HOMER2: variants seen among roughly 807,000 people sequenced by gnomAD.
HOMER2 encodes the protein homer protein homolog 2.
Under a neutral mutation model 47.0 loss-of-function variants are expected in HOMER2, and 27 were observed. The ratio of observed to expected loss-of-function variants is 0.57; its 90% confidence interval spans 0.42 to 0.79. The LOEUF is 0.79. Ranked by LOEUF, HOMER2 falls within the 30% of genes least tolerant of loss-of-function variation. HOMER2 has a pLI of 0.00. For synonymous variants in HOMER2, 161 were observed against 163.8 expected (o/e 0.98, Z 0.13); for missense variants, 443 against 435.0 (o/e 1.02, Z -0.16).
exon 2 of HOMER2, chr15:82,842,003 A>C (rs2051180748): frequency 6.6e-6 from 1 of 152,188 alleles, no homozygotes; most frequent in Non-Finnish European, 1.5e-5. Context: ...GGGGACTTTA[A>C]TTTTCTACAT....
intron 1 of HOMER2, among the ~76,000 whole-genome samples, chr15:82,910,371 G>T (rs59286119): frequency 6.6e-6 from 1 of 152,086 alleles, no homozygotes; most frequent in Non-Finnish European, 1.5e-5. Context: ...GAGTCCAGTG[G>T]GGTGAGTCGG....
At chr15:82,985,735 G>A (rs916994798) in intron 1 of HOMER2, 6 of 152,222 alleles carry the variant, frequency 3.9e-5, no homozygotes, top group Admixed American at 6.5e-5. Flanking sequence ...AGCAGAGAGG[G>A]GGTATGTTTC....
At chr15:82,917,925 C>G (rs566130643) in intron 1 of HOMER2, among the ~76,000 whole-genome samples, 3 of 152,204 alleles carry the variant, frequency 2.0e-5, no homozygotes, top group African/African-American at 4.8e-5. Context: ...GGTGTGGGGG[C>G]CCCAAATCCT....
intron 5 of HOMER2, among the ~76,000 whole-genome samples, chr15:82,855,282 C>G (rs893319452): frequency 7.2e-6 from 1 of 139,850 alleles, no homozygotes; most frequent in Admixed American, 7.9e-5. Context: ...GCCGAGATCA[C>G]GCCACTGCAC....
intron 1 of HOMER2, among the ~76,000 whole-genome samples, chr15:82,980,564 G>C (rs986959330): frequency 1.3e-5 from 2 of 152,118 alleles, no homozygotes; most frequent in African/African-American, 2.4e-5. Context: ...TGAGTGTAAT[G>C]AACTTTGTTT....
At chr15:82,920,321 A>G (rs191204844) in intron 1 of HOMER2, among the ~76,000 whole-genome samples, 1 of 152,254 alleles carries the variant, frequency 6.6e-6, no homozygotes, top group East Asian at 1.9e-4. Context: ...TTTTGGCTGG[A>G]TGTATCCTAG....
chr15:82,920,059 T>TG (rs1236000852), intron 1 of HOMER2, among the ~76,000 whole-genome samples: 1 of 152,224 alleles, frequency 6.6e-6, no homozygotes, highest in Non-Finnish European at 1.5e-5. Context: ...ATATTATTCT[T>TG]GGAGCCAGTA....
Position 82,859,974 on chromosome 15 carries a change from G to A in HOMER2, c.388-839C>T, listed in dbSNP as rs149393002. ...ATGAAAAACAAAATGTCGGCCGGGCGCGGTGGCTCACACCTGTAATCCCAG... is the reference window on the plus strand; with the variant it reads ...ATGAAAAACAAAATGTCGGCCGGGCACGGTGGCTCACACCTGTAATCCCAG... On this transcript the variant is annotated intron_variant, in intron 4 of 8. Transcript: ENST00000450735. 3.8e-3 allele frequency among the ~76,000 whole-genome samples: 584 copies of A among 152,276 alleles called. 5 individuals carry two copies. Among genetic ancestry groups the A allele is most frequent in the African/African-American group, 0.013 (536 of 41,556 alleles).
intron 1 of HOMER2, among the ~76,000 whole-genome samples, chr15:82,950,688 G>A (rs547683877): frequency 3.3e-5 from 5 of 152,262 alleles, no homozygotes; most frequent in South Asian, 2.1e-4. Flanking sequence ...CTTTATCTAC[G>A]AGAAGTGAGT....
At chr15:82,933,943 G>A (rs1026207031) in intron 1 of HOMER2, among the ~76,000 whole-genome samples, 3 of 152,034 alleles carry the variant, frequency 2.0e-5, no homozygotes, top group Admixed American at 6.5e-5. Context: ...CCAGCAACAC[G>A]CAGAGTTCTC....
At chr15:82,935,671 C>T (rs933673755) in intron 1 of HOMER2, among the ~76,000 whole-genome samples, 1 of 152,214 alleles carries the variant, frequency 6.6e-6, no homozygotes, top group Non-Finnish European at 1.5e-5. Flanking sequence ...AGTGGCATAA[C>T]CTAAAACCCA....
chr15:82,948,902 A>C (rs1408755936), intron 1 of HOMER2, among the ~76,000 whole-genome samples: 1 of 152,246 alleles, frequency 6.6e-6, no homozygotes, highest in Non-Finnish European at 1.5e-5. Context: ...TCTGTGTGAA[A>C]AATGGACTGC....
intron 1 of HOMER2, among the ~76,000 whole-genome samples, chr15:82,903,198 C>T (rs2053179235): frequency 6.6e-6 from 1 of 152,142 alleles, no homozygotes; most frequent in Admixed American, 6.5e-5. Context: ...AGATGAGGGC[C>T]TGGCCTAGAG....
At chr15:82,928,764 T>C (rs1486045833) in intron 1 of HOMER2, among the ~76,000 whole-genome samples, 3 of 151,788 alleles carry the variant, frequency 2.0e-5, no homozygotes, top group African/African-American at 7.3e-5. Flanking sequence ...TCACCTAGGA[T>C]AGAGGAGCTT....
At position 82,869,520 on chromosome 15, in the gene HOMER2, G is replaced by A. The variant is rs373230304; in HGVS notation, c.295-5261C>T. On this transcript the variant is annotated intron_variant, in intron 3 of 8. Coordinates refer to ENST00000450735, the MANE Select transcript of HOMER2 (RefSeq NM_004839.4). ...GTTACCCAGGCTGGAGTGCAGTGGC[G>A]TGATCTTGCTCACTGCAACCTCTGC... Among the ~76,000 whole-genome samples, 60 of 132,214 alleles carry A rather than the reference G, an allele frequency of 4.5e-4. No homozygotes were observed. The East Asian group carries it at 5.6e-3, about 12-fold the overall frequency. The allele number at this position is 132,214 out of a possible 152,430, so 86.7% of individuals were successfully genotyped here. A position where few individuals can be genotyped will look rare whatever the true frequency, so the allele number is the denominator to read the frequency against.
chr15:82,970,225 A>C (rs1300000052), intron 1 of HOMER2, among the ~76,000 whole-genome samples: 2 of 152,232 alleles, frequency 1.3e-5, no homozygotes, highest in Non-Finnish European at 2.9e-5. Flanking sequence ...CAGGGGGAGG[A>C]CAGAGCTGTC....
At chr15:82,953,337 C>A (rs1198692074), upstream of HOMER2, among the ~76,000 whole-genome samples, 3 of 152,128 alleles carry the variant, frequency 2.0e-5, no homozygotes, top group Non-Finnish European at 2.9e-5. Context: ...CTTGAAGGGG[C>A]AGTTTTAAGG....
chr15:82,921,262 T>C (rs2053721910), intron 1 of HOMER2, among the ~76,000 whole-genome samples: 1 of 152,298 alleles, frequency 6.6e-6, no homozygotes, highest in Admixed American at 6.5e-5. Context: ...CACTCCAGCC[T>C]GGAGGACAGA....
chr15:82,974,359 G>A (rs957547897), intron 1 of HOMER2, among the ~76,000 whole-genome samples: 4 of 151,406 alleles, frequency 2.6e-5, no homozygotes, highest in South Asian at 2.1e-4. Context: ...AGCCGAGATC[G>A]CGCCATTGCA....
Sources: gnomAD v4.1 joint callset for allele counts (sites outside exome capture counted in the v4.1 genomes callset) on GRCh38, gnomAD v4.1.1 for gene constraint, MANE v1.5 for transcripts, NCBI Gene and HGNC (gene_info 2026-07-23, HGNC 2026-07-21) for gene names.